CRYL1: variants seen among roughly 807,000 people sequenced by gnomAD.
CRYL1 encodes the protein lambda-crystallin homolog.
In CRYL1, 29 loss-of-function variants were observed where a neutral mutation model predicts 36.6. That is an observed-to-expected ratio of 0.79 (90% CI 0.59 to 1.08). CRYL1 has a LOEUF of 1.08. CRYL1 is among the 50% of genes least tolerant of loss of function. The pLI, the probability that CRYL1 is intolerant of heterozygous loss-of-function variation, is 0.00. For synonymous variants in CRYL1, 152 were observed against 151.5 expected (o/e 1.00, Z -0.02); for missense variants, 411 against 407.9 (o/e 1.01, Z -0.06).
At chr13:20,462,712 G>C (rs1315186618) in intron 3 of CRYL1, among the ~76,000 whole-genome samples, 2 of 151,562 alleles carry the variant, frequency 1.3e-5, no homozygotes, top group Admixed American at 6.6e-5. Flanking sequence ...AGCTTCGGGG[G>C]AGGGGCTGCT....
intron 3 of CRYL1, among the ~76,000 whole-genome samples, chr13:20,483,006 A>G (rs2033309401): frequency 6.6e-6 from 1 of 152,032 alleles, no homozygotes; most frequent in African/African-American, 2.4e-5. Context: ...TCATGGAGGT[A>G]GAGAGTAGAA....
chr13:20,473,301 G>A (rs537225416), intron 3 of CRYL1, among the ~76,000 whole-genome samples: 1 of 152,354 alleles, frequency 6.6e-6, no homozygotes, highest in Admixed American at 6.5e-5. Flanking sequence ...CACTGTGGCC[G>A]GAGCGTCGGA....
intron 3 of CRYL1, among the ~76,000 whole-genome samples, chr13:20,443,991 T>C (rs965864733): frequency 1.3e-5 from 2 of 152,242 alleles, no homozygotes; most frequent in African/African-American, 4.8e-5. Flanking sequence ...GTTACATCTC[T>C]GGCTTTAATC....
At chr13:20,478,307 T>C (rs929927660) in intron 3 of CRYL1, among the ~76,000 whole-genome samples, 1 of 152,210 alleles carries the variant, frequency 6.6e-6, no homozygotes, top group African/African-American at 2.4e-5. Flanking sequence ...TGTGCTTATT[T>C]TGACTTTGGG....
rs1043486720 is a variant in CRYL1, at chr13:20,403,747, A to G, written c.*382T>C. The G allele has an allele frequency of 1.0e-4, 16 of 158,824 alleles. No homozygotes were observed. In the Admixed American group the frequency reaches 1.0e-3, roughly 10 times the overall value. The allele number at this position is 158,824 out of a possible 1,614,324, so 9.8% of individuals were successfully genotyped here. A position where few individuals can be genotyped will look rare whatever the true frequency, so the allele number is the denominator to read the frequency against. On this transcript the variant is annotated 3_prime_UTR_variant, in exon 8 of 8. Transcript: ENST00000298248. Reference sequence around the variant, plus strand: ...AGGTGCCTCATAAATGCAGGGCCCCAGAGTACTCAGAAAGGGATTAGAAAA... The same window carrying G: ...AGGTGCCTCATAAATGCAGGGCCCCGGAGTACTCAGAAAGGGATTAGAAAA...
intron 3 of CRYL1, among the ~76,000 whole-genome samples, chr13:20,455,462 T>C (rs11839474): frequency 3.1e-3 from 139 of 45,172 alleles, no homozygotes; most frequent in African/African-American, 4.2e-3. Context: ...ACTCAAGCTA[T>C]ACCATAATCA....
chr13:20,497,600 C>A (rs1489007804), intron 2 of CRYL1, among the ~76,000 whole-genome samples: 1 of 149,618 alleles, frequency 6.7e-6, no homozygotes, highest in Non-Finnish European at 1.5e-5. Context: ...ACCACACACA[C>A]CACACACAAC....
chr13:20,418,113 C>A (rs949258294), intron 5 of CRYL1, among the ~76,000 whole-genome samples: 5 of 152,162 alleles, frequency 3.3e-5, no homozygotes, highest in African/African-American at 1.2e-4. Flanking sequence ...GCTTGCAAGG[C>A]CTTTCAATGG....
chr13:20,471,535 G>A (rs1338114962), intron 3 of CRYL1, among the ~76,000 whole-genome samples: 1 of 151,916 alleles, frequency 6.6e-6, no homozygotes, highest in Non-Finnish European at 1.5e-5. Context: ...AACCCAGGAG[G>A]CTGAGCTTTC....
rs532359740 is a variant in CRYL1, at chr13:20,427,068, T to A, written c.633+5034A>T. 3.0e-6 allele frequency: 3 copies of A among 985,364 alleles called. No individual in the cohort carries two copies. In the African/African-American group the frequency reaches 5.2e-5, roughly 17 times the overall value. The allele number at this position is 985,364 out of a possible 1,614,324, so 61.0% of individuals were successfully genotyped here. On this transcript the variant is annotated intron_variant, in intron 5 of 7. Coordinates refer to ENST00000298248, the MANE Select transcript of CRYL1 (RefSeq NM_015974.3). ...CATACCCTGCCCTCATGGGAAAGAATTTACAGGCAACAAACTTAGCTACTG... is the reference window on the plus strand; with the variant it reads ...CATACCCTGCCCTCATGGGAAAGAAATTACAGGCAACAAACTTAGCTACTG...
At chr13:20,505,597 T>G (rs767498179) in intron 2 of CRYL1, among the ~76,000 whole-genome samples, 37 of 152,120 alleles carry the variant, frequency 2.4e-4, no homozygotes, top group Non-Finnish European at 4.1e-4. Flanking sequence ...CCATAATGGC[T>G]AGTACAGAGA....
At chr13:20,417,539 A>C (rs73160837) in intron 5 of CRYL1, among the ~76,000 whole-genome samples, 8,803 of 152,252 alleles carry the variant, frequency 0.058, 644 homozygotes, top group African/African-American at 0.16. Flanking sequence ...AGAAAAGATT[A>C]TTTAAAAATC....
At chr13:20,455,043 T>C (rs2032652260) in intron 3 of CRYL1, among the ~76,000 whole-genome samples, 1 of 151,834 alleles carries the variant, frequency 6.6e-6, no homozygotes, top group South Asian at 2.1e-4. Context: ...ACATAGAAAA[T>C]CCCAAAGAAT....
intron 4 of CRYL1, among the ~76,000 whole-genome samples, chr13:20,439,209 T>C (rs1287341286): frequency 6.6e-6 from 1 of 152,178 alleles, no homozygotes; most frequent in African/African-American, 2.4e-5. Flanking sequence ...ATTTTTGATG[T>C]AGCACTTTTA....
rs1314358398 is a variant in CRYL1, at chr13:20,404,262, A to G, written c.847-20T>C. ...CATGTCCTGCAAGAAGGAGAAGGAA[A>G]AAAAAGGACAATAAAGAGGAAATAA... On this transcript the variant is annotated intron_variant, in intron 7 of 7. Transcript: ENST00000298248. 1 of 1,468,628 alleles carries G rather than the reference A, an allele frequency of 6.8e-7. No homozygotes were observed. Among genetic ancestry groups the G allele is most frequent in the African/African-American group, 1.4e-5 (1 of 72,194 alleles). 91.0% of individuals were successfully genotyped at this position (1,468,628 alleles called of 1,614,324 possible).
chr13:20,447,252 T>A (rs7337166), intron 3 of CRYL1, among the ~76,000 whole-genome samples: 1 of 152,102 alleles, frequency 6.6e-6, no homozygotes, highest in East Asian at 1.9e-4. Context: ...CAACCCAACA[T>A]CTGATTCATT....
rs1188014402 is a variant in CRYL1, at chr13:20,432,213, G to A, written c.522C>T (p.Ala174=). Residue 174 remains alanine, a synonymous_variant, in exon 5 of 8, where the codon GCC becomes GCT. Coordinates refer to ENST00000298248, the MANE Select transcript of CRYL1 (RefSeq NM_015974.3). The stretch of plus-strand genomic sequence containing the variant: ...GGCACTGTCCAATCTTCTTCATCAG[G>A]GCGTGGGTTCTGTCCACTGTCGTAG... ...TAPTTVDRTH[A]LMKKIGQCPM... The A allele has an allele frequency of 2.5e-6, 4 of 1,613,914 alleles. No homozygotes were observed. The Admixed American group carries it at 5.0e-5, about 20-fold the overall frequency.
At chr13:20,410,894 G>GCCC (rs1565955122) in intron 6 of CRYL1, among the ~76,000 whole-genome samples, 2 of 152,200 alleles carry the variant, frequency 1.3e-5, no homozygotes, top group African/African-American at 2.4e-5. Context: ...GAGCCGGCCG[G>GCCC]CTGGCTCCAC....
chr13:20,515,658 G>C (rs528626502), intron 1 of CRYL1: 1 of 152,178 alleles, frequency 6.6e-6, no homozygotes, highest in South Asian at 2.1e-4. Context: ...TGAATCTTGA[G>C]CACATTTTGC....
Sources: allele counts gnomAD v4.1 joint callset (sites outside exome capture counted in the v4.1 genomes callset), GRCh38; gene constraint gnomAD v4.1.1; transcripts MANE v1.5; gene names NCBI Gene and HGNC (gene_info 2026-07-23, HGNC 2026-07-21).